Variants in CCDC200 observed in about 807,000 individuals in gnomAD.
The protein encoded by CCDC200 is coiled-coil domain-containing protein 200.
At chr17:43,225,702 A>G (rs2057564335) in intron 1 of CCDC200, among the ~76,000 whole-genome samples, 2 of 37,218 alleles carry the variant, frequency 5.4e-5, no homozygotes, top group Non-Finnish European at 1.6e-4. Context: ...ATTGCATGCT[A>G]CATGTGTAAT....
Position 43,222,393 on chromosome 17 carries a change from C to G in CCDC200, c.481-796G>C, listed in dbSNP as rs1366820978. On this transcript the variant is annotated intron_variant, in intron 3 of 3. Transcript: ENST00000636331. ...TGTTGCCCAGGCTGTTCTCAAATTCCTGAGCTCAGGCAATCTGCTCACCTC... is the reference window on the plus strand; with the variant it reads ...TGTTGCCCAGGCTGTTCTCAAATTCGTGAGCTCAGGCAATCTGCTCACCTC... Among the ~76,000 whole-genome samples the G allele has an allele frequency of 4.6e-5, 7 of 152,110 alleles. No individual in the cohort carries two copies. In the East Asian group the frequency reaches 1.4e-3, roughly 29 times the overall value.
At chr17:43,222,230 A>G (rs948529865) in intron 3 of CCDC200, among the ~76,000 whole-genome samples, 1 of 151,998 alleles carries the variant, frequency 6.6e-6, no homozygotes, top group African/African-American at 2.4e-5. Flanking sequence ...CAGTGGTGTC[A>G]TCCTGGCTCA....
chr17:43,222,153 G>C (rs1322794993), intron 3 of CCDC200, among the ~76,000 whole-genome samples: 2 of 151,742 alleles, frequency 1.3e-5, no homozygotes, highest in African/African-American at 4.8e-5. Flanking sequence ...TCCAAGCTAA[G>C]TGCTTTTAAT....
chr17:43,223,246 A>ATTTTTTTTT (rs1382906549), intron 3 of CCDC200, among the ~76,000 whole-genome samples: 50 of 84,810 alleles, frequency 5.9e-4, no homozygotes, highest in African/African-American at 1.4e-3. Context: ...ATTTTTTTCA[A>ATTTTTTTTT]TTTTTTTTTT....
chr17:43,221,654 A>G (rs2057534386), intron 3 of CCDC200, 57 bp from the exon 4 acceptor site: 1 of 152,640 alleles, frequency 6.6e-6, no homozygotes, highest in Non-Finnish European at 1.5e-5. Flanking sequence ...GTTTCAGAAC[A>G]TTGTGTGAAA....
chr17:43,227,740 C>T (rs1181022446), intron 1 of CCDC200, among the ~76,000 whole-genome samples: 2 of 151,514 alleles, frequency 1.3e-5, no homozygotes, highest in Non-Finnish European at 2.9e-5. Context: ...CCCACCTTGG[C>T]CTCCCAAAGT....
Position 43,223,458 on chromosome 17 carries a change from C to CCA in CCDC200, c.480+97_480+98insTG, listed in dbSNP as rs2057546916. On this transcript the variant is annotated intron_variant, in intron 3 of 3. Transcript: ENST00000636331. ...CTCCTGCTAAGGAGGTTTCTCTGGA[C>CCA]TACACACACACACACACACACTCAC... 1.1e-4 allele frequency: 3 copies of CCA among 28,214 alleles called. No homozygotes were observed. In the Admixed American group the frequency reaches 2.3e-3, roughly 21 times the overall value. 1.7% of individuals were successfully genotyped at this position (28,214 alleles called of 1,614,324 possible). A position where few individuals can be genotyped will look rare whatever the true frequency, so the allele number is the denominator to read the frequency against.
intron 1 of CCDC200, among the ~76,000 whole-genome samples, chr17:43,227,170 G>A (rs77526796): frequency 6.6e-6 from 1 of 151,740 alleles, no homozygotes; most frequent in Non-Finnish European, 1.5e-5. Flanking sequence ...GTAGAGATGG[G>A]GTTTCACCAT....
chr17:43,228,108 CA>C (rs4027812), intron 1 of CCDC200, among the ~76,000 whole-genome samples: 432 of 20,112 alleles, frequency 0.021, no homozygotes, highest in African/African-American at 0.11. Flanking sequence ...AACTCCATCT[CA>C]AAAAAAAAAA....
At chr17:43,228,125 A>AAAAT (rs1469059948) in intron 1 of CCDC200, among the ~76,000 whole-genome samples, 935 of 111,280 alleles carry the variant, frequency 8.4e-3, no homozygotes, top group Non-Finnish European at 0.014. Flanking sequence ...AAAAAAAAAA[A>AAAAT]TTTGGTTCCT....
At chr17:43,227,151 GTA>G (rs972993926) in intron 1 of CCDC200, among the ~76,000 whole-genome samples, 9 of 151,586 alleles carry the variant, frequency 5.9e-5, no homozygotes, top group African/African-American at 2.2e-4. Flanking sequence ...GCTGATTTTT[GTA>G]TTTTTAGTAG....
At position 43,224,238 on chromosome 17, in the gene CCDC200, C is replaced by G. The variant is rs535893666; in HGVS notation, c.417G>C (p.Arg139Ser). 1 of 153,654 alleles carries G rather than the reference C, an allele frequency of 6.5e-6. No individual in the cohort carries two copies. The highest frequency in any genetic ancestry group is 2.4e-5 in the African/African-American group (1 of 41,570). 9.5% of individuals were successfully genotyped at this position (153,654 alleles called of 1,614,324 possible). Residue 139 changes from arginine (R) to serine (S), a missense_variant, in exon 2 of 4, where the codon AGG becomes AGC. Coordinates refer to ENST00000636331, the MANE Select transcript of CCDC200 (RefSeq NM_001363254.2). The stretch of plus-strand genomic sequence containing the variant: ...CCGCTGAAGTAGGCTGGTGACCTGG[C>G]CTTTGGGAATCCTGGAGATTGCATT... Reference protein sequence around the residue: ...TSKCNLQDSQRPGLMNPCQSS... With the variant: ...TSKCNLQDSQSPGLMNPCQSS...
intron 3 of CCDC200, among the ~76,000 whole-genome samples, chr17:43,223,155 G>A (rs2057544506): frequency 6.6e-6 from 1 of 151,292 alleles, no homozygotes; most frequent in African/African-American, 2.4e-5. Context: ...GGGCTCAAGC[G>A]ATCCTCTCAC....
chr17:43,223,190 T>C, intron 3 of CCDC200, among the ~76,000 whole-genome samples: 1 of 151,742 alleles, frequency 6.6e-6, no homozygotes, highest in East Asian at 1.9e-4. Context: ...GTGCTGGGAT[T>C]ATAGGCATGA....
intron 3 of CCDC200, among the ~76,000 whole-genome samples, chr17:43,222,744 A>C (rs1283960247): frequency 6.9e-6 from 1 of 145,094 alleles, no homozygotes; most frequent in Admixed American, 6.9e-5. Flanking sequence ...ATGTGCCACC[A>C]TGCCCAGCTA....
chr17:43,225,374 T>G (rs922825994), intron 1 of CCDC200, among the ~76,000 whole-genome samples: 1 of 151,636 alleles, frequency 6.6e-6, no homozygotes, highest in Non-Finnish European at 1.5e-5. Context: ...AAAAATATAA[T>G]TCATGCTGGG....
At position 43,225,693 on chromosome 17, in the gene CCDC200, T is replaced by TATATATATATATAAAA. The variant is rs1282739067; in HGVS notation, c.106-1145_106-1144insTTTTATATATATATAT. Among the ~76,000 whole-genome samples, 34 of 28,970 alleles carry TATATATATATATAAAA rather than the reference T, an allele frequency of 1.2e-3. 9 individuals are homozygous for TATATATATATATAAAA. The highest frequency in any genetic ancestry group is 5.4e-3 in the Non-Finnish European group (24 of 4,434). The allele number at this position is 28,970 out of a possible 152,430, so 19.0% of individuals were successfully genotyped here. On this transcript the variant is annotated intron_variant, in intron 1 of 3. Transcript: ENST00000636331. ...AAAAAAAAAAAAGTATATATATATA[T>TATATATATATATAAAA]TGCATGCTACATGTGTAATTTTAAA... is the stretch of plus-strand genomic sequence containing the variant.
rs942347025 is a variant in CCDC200, at chr17:43,224,336, G to A, written c.319C>T (p.Pro107Ser). 5.1e-5 allele frequency: 8 copies of A among 156,210 alleles called. No homozygotes were observed. Among genetic ancestry groups the A allele is most frequent in the Non-Finnish European group, 1.0e-4 (7 of 70,006 alleles). 9.7% of individuals were successfully genotyped at this position (156,210 alleles called of 1,614,324 possible). A position where few individuals can be genotyped will look rare whatever the true frequency, so the allele number is the denominator to read the frequency against. ...PQAQVWPGPQ[P>S]PQPQPPPQPT... The stretch of plus-strand genomic sequence containing the variant: ...TGAGGTGGTGGCTGTGGTTGTGGTG[G>A]CTGTGGCCCTGGCCACACCTGTGCC... The change falls in exon 2 of 4, where the codon CCA (proline) becomes TCA (serine). Residue 107 changes from proline (P) to serine (S), a missense_variant. Transcript: ENST00000636331.
At chr17:43,227,541 G>A (rs369113596) in intron 1 of CCDC200, among the ~76,000 whole-genome samples, 3 of 151,970 alleles carry the variant, frequency 2.0e-5, no homozygotes, top group South Asian at 2.1e-4. Flanking sequence ...TCAGAGTGCA[G>A]TGGCACTATC....
Sources: allele counts gnomAD v4.1 joint callset (sites outside exome capture counted in the v4.1 genomes callset), GRCh38; gene constraint gnomAD v4.1.1; transcripts MANE v1.5; gene names NCBI Gene and HGNC (gene_info 2026-07-23, HGNC 2026-07-21).